ADGRV1: variants seen among roughly 807,000 people sequenced by gnomAD.
ADGRV1 encodes adhesion G protein-coupled receptor V1, also known as G-protein coupled receptor 98.
In ADGRV1, 359 loss-of-function variants were observed where a neutral mutation model predicts 596.2. That is an observed-to-expected ratio of 0.60 (90% CI 0.55 to 0.66). The LOEUF is 0.66. Ranked by LOEUF, ADGRV1 falls within the 30% of genes least tolerant of loss-of-function variation. ADGRV1 has a pLI of 0.00. For missense variants in ADGRV1, 7,274 were observed against 7,575.6 expected (o/e 0.96, Z 1.48); for synonymous variants, 2,681 against 2,679.2 (o/e 1.00, Z -0.02).
chr5:90,894,954 G>T (rs538577658), intron 83 of ADGRV1, among the ~76,000 whole-genome samples: 5 of 151,664 alleles, frequency 3.3e-5, no homozygotes, highest in Admixed American at 6.6e-5. Context: ...TTTCAGACAG[G>T]GTCTTGCTCT....
At position 90,686,280 on chromosome 5, in the gene ADGRV1, T is replaced by C. The variant is rs550433748; in HGVS notation, c.6490+285T>C. On this transcript the variant is annotated intron_variant, in intron 29 of 89. Transcript: ENST00000405460. ...GCACAACGTGCAGGTTAGTTACATATGTATACATGTGCCATGCTGGTGTGC... is the reference window on the plus strand; with the variant it reads ...GCACAACGTGCAGGTTAGTTACATACGTATACATGTGCCATGCTGGTGTGC... Among the ~76,000 whole-genome samples, 216 of 152,134 alleles carry C rather than the reference T, an allele frequency of 1.4e-3. 1 individual carries two copies. The highest frequency in any genetic ancestry group is 4.6e-3 in the African/African-American group (192 of 41,482).
At position 90,629,231 on chromosome 5, in the gene ADGRV1, A is replaced by T; in HGVS notation, c.1531A>T (p.Ser511Cys). The change falls in exon 9 of 90, where the codon AGT becomes TGT. Residue 511 changes from serine to cysteine, a missense_variant. Physicochemically the swap from Ser to Cys is moderately radical, Grantham distance 112 (BLOSUM62 -1). This residue lies in a region of ADGRV1 where 1,715 missense variants were observed against 1,708.8 expected (regional missense o/e 1.00). Coordinates refer to ENST00000405460, the MANE Select transcript of ADGRV1 (RefSeq NM_032119.4). Reference protein sequence around the residue: ...PAELLFYIQDSDDVYGLITFF... With the variant: ...PAELLFYIQDCDDVYGLITFF... ...TCAGCTTTTGTTCTACATTCAGGAT[A>T]GTGATGATGTCTATGGCCTAATAAC... The T allele has an allele frequency of 6.3e-7, 1 of 1,592,136 alleles. No homozygotes were observed.
chr5:91,084,600 G>A (rs181884796), intron 86 of ADGRV1, among the ~76,000 whole-genome samples: 1 of 152,188 alleles, frequency 6.6e-6, no homozygotes, highest in Non-Finnish European at 1.5e-5. Flanking sequence ...AGAGGATGTG[G>A]AGAAATAGGA....
At chr5:90,906,629 T>C (rs1367255830) in intron 83 of ADGRV1, among the ~76,000 whole-genome samples, 1 of 152,078 alleles carries the variant, frequency 6.6e-6, no homozygotes, top group Non-Finnish European at 1.5e-5. Flanking sequence ...CTCTTTTTTC[T>C]TAGTTAGTCT....
chr5:90,719,882 G>A (rs1409078469), intron 43 of ADGRV1, among the ~76,000 whole-genome samples, 166 bp from the exon 44 acceptor site: 1 of 152,188 alleles, frequency 6.6e-6, no homozygotes, highest in Non-Finnish European at 1.5e-5. Context: ...GTAGTAACCT[G>A]AAACAGATGT....
At chr5:90,663,802 A>G (rs1770816492) in intron 21 of ADGRV1, among the ~76,000 whole-genome samples, 1 of 151,890 alleles carries the variant, frequency 6.6e-6, no homozygotes, top group African/African-American at 2.4e-5. Flanking sequence ...AGGTGTAAGG[A>G]AGGGATCCAG....
In ADGRV1 at chr5:90,781,362, G is replaced by A. The variant is rs184175684; in HGVS notation, c.13083-68G>A. On this transcript the variant is annotated intron_variant, in intron 64 of 89. Transcript: ENST00000405460. The stretch of plus-strand genomic sequence containing the variant: ...GAGCTAAGAGGATCTTTTAATTCAT[G>A]CTATGCAATTATGTATTTTTTGTTG... 1.4e-3 allele frequency: 1,672 copies of A among 1,176,164 alleles called. 19 individuals are homozygous for A. The African/African-American group carries it at 0.023, about 16-fold the overall frequency. 72.9% of individuals were successfully genotyped at this position (1,176,164 alleles called of 1,614,324 possible).
At position 90,988,770 on chromosome 5, in the gene ADGRV1, C is replaced by T. The variant is rs1179612792; in HGVS notation, c.18152+3248C>T. ...CTCGTCATTTAAATTAGGTATATCTCCTAATGCTATCCCTCCCCCCTCCCC... is the reference window on the plus strand; with the variant it reads ...CTCGTCATTTAAATTAGGTATATCTTCTAATGCTATCCCTCCCCCCTCCCC... On this transcript the variant is annotated intron_variant, in intron 85 of 89. Transcript: ENST00000405460. 1.1e-4 allele frequency among the ~76,000 whole-genome samples: 16 copies of T among 151,042 alleles called. 1 individual carries two copies. The highest frequency in any genetic ancestry group is 1.1e-3 in the Admixed American group (16 of 15,144).
chr5:90,608,420 A>G (rs1035822284), intron 1 of ADGRV1, among the ~76,000 whole-genome samples: 28 of 152,150 alleles, frequency 1.8e-4, no homozygotes, highest in African/African-American at 6.5e-4. Flanking sequence ...TTCCAAAGGG[A>G]GGACAACACA....
Position 90,635,195 on chromosome 5 carries a change from TTAC to T in ADGRV1, c.1923_1925del (p.Leu642del), listed in dbSNP as rs1766012988. 6 of 1,613,004 alleles carry T rather than the reference TTAC, an allele frequency of 3.7e-6. No homozygotes were observed. The highest frequency in any genetic ancestry group is 5.1e-6 in the Non-Finnish European group (6 of 1,179,150). ...ATTTGGGGAAATCTGCAATATTTCT[TTAC>T]TGGTTACTCCAGCCATTGCAAATGG... On this transcript the variant is annotated inframe_deletion, in exon 10 of 90. Coordinates refer to ENST00000405460, the MANE Select transcript of ADGRV1 (RefSeq NM_032119.4).
At position 90,985,336 on chromosome 5, in the gene ADGRV1, T is replaced by C. The variant is rs1465186673; in HGVS notation, c.17974-8T>C. On this transcript the variant is annotated splice_region_variant and splice_polypyrimidine_tract_variant and intron_variant, in intron 84 of 89. Transcript: ENST00000405460. ...AGCCTGTTCATTTTATGTTGTTTTC[T>C]TCCTTAGTCTGTGAATTTCTGGTAC... The C allele has an allele frequency of 1.3e-6, 2 of 1,589,994 alleles. No homozygotes were observed. Among genetic ancestry groups the C allele is most frequent in the Non-Finnish European group, 1.7e-6 (2 of 1,166,368 alleles).
At chr5:90,970,720 A>G (rs929504876) in intron 84 of ADGRV1, among the ~76,000 whole-genome samples, 2 of 152,176 alleles carry the variant, frequency 1.3e-5, no homozygotes, top group Non-Finnish European at 2.9e-5. Context: ...ACCATCATCA[A>G]AGACCAAAGG....
At chr5:90,641,613 A>G (rs67556741) in intron 11 of ADGRV1, among the ~76,000 whole-genome samples, 27,563 of 152,178 alleles carry the variant, frequency 0.18, 2,693 homozygotes, top group East Asian at 0.4. Flanking sequence ...TAGCATGCTA[A>G]GTATTATCAG....
intron 74 of ADGRV1, among the ~76,000 whole-genome samples, chr5:90,811,645 C>A (rs1200905982): frequency 1.3e-5 from 2 of 152,008 alleles, no homozygotes; most frequent in East Asian, 3.9e-4. Context: ...GATTGCCTAT[C>A]CTGTTTTGAA....
At chr5:90,661,394 T>C (rs567671059) in intron 21 of ADGRV1, among the ~76,000 whole-genome samples, 6 of 152,312 alleles carry the variant, frequency 3.9e-5, no homozygotes, top group African/African-American at 1.4e-4. Context: ...TCATTTCAAC[T>C]TGGACTATAT....
At chr5:90,706,175 ATAT>A in intron 37 of ADGRV1, 53 bp from the exon 38 acceptor site, 1 of 1,501,742 alleles carries the variant, frequency 6.7e-7, no homozygotes. Flanking sequence ...TCACAAGGGG[ATAT>A]TATTGTAAAC....
At chr5:90,924,044 G>A (rs984477630) in intron 83 of ADGRV1, among the ~76,000 whole-genome samples, 53 of 151,620 alleles carry the variant, frequency 3.5e-4, no homozygotes, top group African/African-American at 1.3e-3. Context: ...TGGACATTTG[G>A]GTTGGTTCCA....
At chr5:91,087,866 G>A (rs2126555404) in intron 86 of ADGRV1, among the ~76,000 whole-genome samples, 1 of 152,282 alleles carries the variant, frequency 6.6e-6, no homozygotes, top group South Asian at 2.1e-4. Context: ...AAGTAGCCTG[G>A]TTCCAGAGTC....
chr5:90,715,335 G>A (rs1050760217), intron 42 of ADGRV1, among the ~76,000 whole-genome samples: 9 of 152,210 alleles, frequency 5.9e-5, no homozygotes, highest in African/African-American at 2.2e-4. Context: ...GCTTAGGACT[G>A]TCCCATGACA....
Sources: gnomAD v4.1 joint callset for allele counts (sites outside exome capture counted in the v4.1 genomes callset) on GRCh38, gnomAD v4.1.1 for gene constraint, gnomAD v4.1.1 regional missense constraint, MANE v1.5 for transcripts, NCBI Gene and HGNC (gene_info 2026-07-23, HGNC 2026-07-21) for gene names.